The following CCDC14 variants were observed in gnomAD, a reference collection of about 807,000 sequenced individuals.
CCDC14 encodes coiled-coil domain-containing protein 14.
A neutral mutation model predicts 81.4 loss-of-function variants in CCDC14; 71 were observed. The observed-to-expected ratio is 0.87, with a 90% CI of 0.72 to 1.06. The LOEUF (loss-of-function observed/expected upper bound fraction) is 1.06. Ranked by LOEUF, CCDC14 falls within the 50% of genes least tolerant of loss-of-function variation. CCDC14 has a pLI of 0.00. For synonymous variants in CCDC14, 332 were observed against 364.8 expected (o/e 0.91, Z 1.03); for missense variants, 1,046 against 1,047.3 (o/e 1.00, Z 0.02).
At chr3:123,926,506 C>T (rs138934735) in intron 12 of CCDC14, among the ~76,000 whole-genome samples, 41 of 148,506 alleles carry the variant, frequency 2.8e-4, no homozygotes, top group African/African-American at 9.8e-4. Context: ...AAACTATTCA[C>T]TATTTACTTA....
chr3:123,888,466 C>G, the CCDC14 span, among the ~76,000 whole-genome samples: 1 of 152,194 alleles, frequency 6.6e-6, no homozygotes, highest in African/African-American at 2.4e-5. Flanking sequence ...GTTTCCCTCA[C>G]TCACTTTTAT....
At chr3:123,888,897 A>G in the CCDC14 span, among the ~76,000 whole-genome samples, 6 of 152,256 alleles carry the variant, frequency 3.9e-5, no homozygotes, top group African/African-American at 1.4e-4. Flanking sequence ...ACCCCTCTCA[A>G]ATTTCATGTC....
downstream of CCDC14, among the ~76,000 whole-genome samples, chr3:123,912,989 C>T (rs2250507): frequency 0.12 from 17,714 of 152,184 alleles, 2,464 homozygotes; most frequent in East Asian, 0.36. Context: ...ACATTTAAGG[C>T]TGTTCACAGG....
intron 12 of CCDC14, among the ~76,000 whole-genome samples, chr3:123,921,022 G>A (rs2035014519): frequency 1.3e-5 from 2 of 152,134 alleles, no homozygotes; most frequent in South Asian, 4.1e-4. Flanking sequence ...GTAAACCTCA[G>A]GGTAACCACA....
At chr3:123,937,573 T>C (rs1440232083) in intron 9 of CCDC14, among the ~76,000 whole-genome samples, 1 of 152,000 alleles carries the variant, frequency 6.6e-6, no homozygotes, top group African/African-American at 2.4e-5. Context: ...AAGTCCTTTA[T>C]CGGGTACATG....
At chr3:123,923,789 C>T (rs2700388) in intron 12 of CCDC14, among the ~76,000 whole-genome samples, 134,797 of 150,954 alleles carry the variant, frequency 0.89, 60,448 homozygotes, top group East Asian at 1. Flanking sequence ...ATAAAATAAA[C>T]TGAAGAAAAC....
Position 123,933,685 on chromosome 3 carries a change from A to C in CCDC14, c.1414T>G (p.Cys472Gly), listed in dbSNP as rs2035880520. 1.3e-6 allele frequency: 2 copies of C among 1,571,710 alleles called. No homozygotes were observed. The highest frequency in any genetic ancestry group is 1.3e-5 in the African/African-American group (1 of 74,418). ...KTQKPSGAVD[C>G]NLELFSLQSL... is the part of the protein sequence containing the mutation. ...TTCTTTTACCTACATTCAAGGTTGC[A>C]ATCCACAGCACCAGATGGTTTTTGA... Residue 472 changes from cysteine to glycine, a missense_variant, in exon 10 of 13, where the codon TGC becomes GGC. Cys to Gly is a radical substitution (Grantham distance 159). Transcript: ENST00000409697.
intron 9 of CCDC14, among the ~76,000 whole-genome samples, chr3:123,938,114 A>G (rs1235734616): frequency 6.6e-6 from 1 of 151,834 alleles, no homozygotes. Flanking sequence ...TGGGTACTTT[A>G]GAGTCTTCAA....
At chr3:123,908,747 GAGAGGT>G (rs1431329444), downstream of CCDC14, among the ~76,000 whole-genome samples, 1 of 152,098 alleles carries the variant, frequency 6.6e-6, no homozygotes, top group East Asian at 1.9e-4. Flanking sequence ...ATGGGGAGGG[GAGAGGT>G]AGTGATGGTG....
intron 5 of CCDC14, among the ~76,000 whole-genome samples, chr3:123,898,983 G>C (rs946083734): frequency 6.7e-6 from 1 of 150,168 alleles, no homozygotes; most frequent in African/African-American, 2.4e-5. Flanking sequence ...GCCTCCCAAA[G>C]TGCTGGGATT....
chr3:123,934,950 C>T (rs1329289130), intron 9 of CCDC14, among the ~76,000 whole-genome samples: 1 of 152,070 alleles, frequency 6.6e-6, no homozygotes, highest in Admixed American at 6.6e-5. Flanking sequence ...AACTCAATAT[C>T]CAGCAAGCAT....
At position 123,916,245 on chromosome 3, in the gene CCDC14, C is replaced by T. The variant is rs578037165; in HGVS notation, c.1779-527G>A. On this transcript the variant is annotated intron_variant, in intron 12 of 12. Transcript: ENST00000409697. Reference sequence around the variant, plus strand: ...AACTCCTGGCCTCAAGTGATCTGCCCGCCTCAGCCTCCCAAAGTTCTGGGA... The same window carrying T: ...AACTCCTGGCCTCAAGTGATCTGCCTGCCTCAGCCTCCCAAAGTTCTGGGA... Among the ~76,000 whole-genome samples, 11 of 151,940 alleles carry T rather than the reference C, an allele frequency of 7.2e-5. No homozygotes were observed. In the East Asian group the frequency reaches 1.2e-3, roughly 16 times the overall value.
intron 12 of CCDC14, among the ~76,000 whole-genome samples, chr3:123,928,838 T>C (rs1383880583): frequency 1.3e-5 from 2 of 152,186 alleles, no homozygotes; most frequent in Non-Finnish European, 2.9e-5. Context: ...TGAGTTCTAG[T>C]CCCAGCTCTG....
intron 12 of CCDC14, among the ~76,000 whole-genome samples, chr3:123,918,776 A>C (rs1377449741): frequency 6.6e-6 from 1 of 152,184 alleles, no homozygotes; most frequent in Non-Finnish European, 1.5e-5. Flanking sequence ...AACAAAAAAG[A>C]GGGATACAGC....
At chr3:123,936,845 T>G (rs910367074) in intron 9 of CCDC14, among the ~76,000 whole-genome samples, 1 of 152,018 alleles carries the variant, frequency 6.6e-6, no homozygotes, top group Admixed American at 6.6e-5. Context: ...AAGCTAAAAA[T>G]TTTTCAAAAA....
rs1420681121 is a variant in CCDC14 at position 123,947,895 on chromosome 3, CTATGGTATATCCAAAAAA to C, written c.685-594_685-577del. On this transcript the variant is annotated intron_variant, in intron 7 of 12. Coordinates refer to ENST00000409697, the MANE Select transcript of CCDC14 (RefSeq NM_001366335.1). ...CCTAACCATATAGTAGTTACACAGA[CTATGGTATATCCAAAAAA>C]TACAGTATTAACAAGTTATTAAAAA... Among the ~76,000 whole-genome samples the C allele has an allele frequency of 7.2e-5, 11 of 151,994 alleles. No homozygotes were observed. The East Asian group carries it at 2.1e-3, about 29-fold the overall frequency.
intron 12 of CCDC14, 24 bp downstream of exon 12, chr3:123,931,078 T>G: frequency 6.5e-7 from 1 of 1,545,146 alleles, no homozygotes; most frequent in Non-Finnish European, 8.7e-7. Flanking sequence ...AAGGCATGAG[T>G]TATTCAAAGG....
intron 9 of CCDC14, 40 bp from the exon 10 acceptor site, chr3:123,933,795 A>C (rs1472791000): frequency 1.5e-6 from 2 of 1,378,968 alleles, no homozygotes; most frequent in East Asian, 5.0e-5. Flanking sequence ...AAGCATACCA[A>C]GCCAATTTAA....
intron 8 of CCDC14, among the ~76,000 whole-genome samples, chr3:123,946,247 T>C (rs1577313254): frequency 6.6e-6 from 1 of 151,948 alleles, no homozygotes; most frequent in East Asian, 1.9e-4. Flanking sequence ...GCCATTACTA[T>C]AGAATACATA....
Sources: allele counts gnomAD v4.1 joint callset (sites outside exome capture counted in the v4.1 genomes callset), GRCh38; gene constraint gnomAD v4.1.1; transcripts MANE v1.5; gene names NCBI Gene and HGNC (gene_info 2026-07-23, HGNC 2026-07-21).